TOX2: variants seen among roughly 807,000 people sequenced by gnomAD.
TOX2 encodes TOX high mobility group box family member 2, also known as granulosa cell HMG box 1.
In TOX2, 15 loss-of-function variants were observed where a neutral mutation model predicts 47.4. The observed-to-expected ratio is 0.32, with a 90% CI of 0.21 to 0.49. The LOEUF (loss-of-function observed/expected upper bound fraction) is 0.49, where lower values mean the gene tolerates loss of function less well. Among genes scored for constraint, TOX2 ranks in the 20% least tolerant of loss-of-function variants. The pLI is 0.99. For missense variants in TOX2, 622 were observed against 673.1 expected (o/e 0.92, Z 0.84); for synonymous variants, 290 against 296.6 (o/e 0.98, Z 0.23).
intron 2 of TOX2, among the ~76,000 whole-genome samples, chr20:43,995,804 C>T (rs1224711670): frequency 6.6e-6 from 1 of 152,162 alleles, no homozygotes; most frequent in African/African-American, 2.4e-5. Flanking sequence ...AGGATAATGG[C>T]CTCCAGCTCC....
At position 44,068,459 on chromosome 20, in the gene TOX2, C is replaced by T. The variant is rs150545947; in HGVS notation, c.1485-191C>T. Among the ~76,000 whole-genome samples, 49 of 114,772 alleles carry T rather than the reference C, an allele frequency of 4.3e-4. 1 individual carries two copies. The highest frequency in any genetic ancestry group is 6.1e-4 in the Non-Finnish European group (36 of 58,852). 75.3% of individuals were successfully genotyped at this position (114,772 alleles called of 152,430 possible). A position where few individuals can be genotyped will look rare whatever the true frequency, so the allele number is the denominator to read the frequency against. On this transcript the variant is annotated intron_variant, in intron 8 of 8. Transcript: ENST00000341197. ...ACCGGGTGGTCCCCTGCTGGGTTTC[C>T]GGGAGGGGTTTGGTTCTGCTTGGTG... is the stretch of plus-strand genomic sequence containing the variant.
chr20:43,922,728 G>A (rs769975617), intron 1 of TOX2, among the ~76,000 whole-genome samples: 5 of 152,182 alleles, frequency 3.3e-5, no homozygotes, highest in Admixed American at 6.5e-5. Context: ...ACTTGCTGCC[G>A]TACAGTTGCT....
At chr20:43,953,502 A>G (rs187629191) in intron 1 of TOX2, among the ~76,000 whole-genome samples, 65 of 151,538 alleles carry the variant, frequency 4.3e-4, no homozygotes, top group African/African-American at 1.5e-3. Context: ...ACTCTCAGCC[A>G]CTCTTTGAGC....
At chr20:43,983,548 G>A (rs2070207084) in intron 2 of TOX2, among the ~76,000 whole-genome samples, 1 of 152,188 alleles carries the variant, frequency 6.6e-6, no homozygotes, top group South Asian at 2.1e-4. Flanking sequence ...CCAGCAGGGG[G>A]CAGTGTCAGA....
At chr20:44,068,624 T>C in intron 8 of TOX2, 26 bp from the exon 9 acceptor site, 1 of 1,604,338 alleles carries the variant, frequency 6.2e-7, no homozygotes, top group Non-Finnish European at 8.5e-7. Context: ...CCCAACAGCT[T>C]TGACAGCCCC....
At chr20:43,959,796 A>G (rs572385501) in intron 1 of TOX2, among the ~76,000 whole-genome samples, 2 of 152,314 alleles carry the variant, frequency 1.3e-5, no homozygotes, top group Admixed American at 1.3e-4. Flanking sequence ...GATGATAGAT[A>G]ATTGTCAAAT....
chr20:43,991,330 A>G (rs1213651517), intron 2 of TOX2, among the ~76,000 whole-genome samples: 7 of 152,236 alleles, frequency 4.6e-5, no homozygotes, highest in Non-Finnish European at 8.8e-5. Context: ...ATGGTGCAGC[A>G]CTGAGCCCAA....
intron 3 of TOX2, among the ~76,000 whole-genome samples, chr20:44,007,802 C>G (rs1362967614): frequency 1.3e-5 from 2 of 152,056 alleles, no homozygotes; most frequent in African/African-American, 4.8e-5. Context: ...GAGACCCTTT[C>G]TCAAAAAAAC....
intron 1 of TOX2, among the ~76,000 whole-genome samples, chr20:43,941,512 T>C (rs1358760002): frequency 6.6e-6 from 1 of 152,126 alleles, no homozygotes; most frequent in African/African-American, 2.4e-5. Flanking sequence ...TTCGTATTTT[T>C]AGTAGAGATG....
intron 3 of TOX2, 26 bp from the exon 4 acceptor site, chr20:44,051,278 ACT>A (rs1569135689): frequency 5.7e-6 from 9 of 1,572,986 alleles, no homozygotes; most frequent in Non-Finnish European, 7.8e-6. Flanking sequence ...ATCCTTCCTA[ACT>A]CAACCCTCCT....
At chr20:44,033,928 G>A (rs541808638) in intron 3 of TOX2, among the ~76,000 whole-genome samples, 14 of 152,298 alleles carry the variant, frequency 9.2e-5, no homozygotes, top group Middle Eastern at 3.4e-3. Flanking sequence ...GAGACGTGTC[G>A]ACTTTCACTG....
intron 3 of TOX2, among the ~76,000 whole-genome samples, chr20:44,026,147 G>A (rs1026518213): frequency 2.0e-5 from 3 of 150,448 alleles, no homozygotes; most frequent in South Asian, 4.2e-4. Flanking sequence ...TTCTTTCCGC[G>A]TGATTATAGC....
At chr20:43,999,717 A>T (rs1282316160) in intron 2 of TOX2, among the ~76,000 whole-genome samples, 4 of 152,244 alleles carry the variant, frequency 2.6e-5, no homozygotes, top group African/African-American at 9.6e-5. Flanking sequence ...GCAGAAATGA[A>T]AAATCTGATC....
At chr20:44,019,974 G>C (rs1318636392) in intron 3 of TOX2, among the ~76,000 whole-genome samples, 1 of 152,166 alleles carries the variant, frequency 6.6e-6, no homozygotes, top group Admixed American at 6.5e-5. Context: ...GTGGATCACA[G>C]CCGGCTCAGG....
chr20:44,023,289 A>C (rs2071003759), intron 3 of TOX2, among the ~76,000 whole-genome samples: 1 of 151,422 alleles, frequency 6.6e-6, no homozygotes, highest in Non-Finnish European at 1.5e-5. Flanking sequence ...ATTTAGCTGG[A>C]TGTGGTGGTG....
At chr20:43,992,998 G>A (rs531403666) in intron 2 of TOX2, among the ~76,000 whole-genome samples, 2 of 152,190 alleles carry the variant, frequency 1.3e-5, no homozygotes, top group Non-Finnish European at 2.9e-5. Flanking sequence ...TTTCCCCTCA[G>A]TATTCCTCCA....
chr20:44,036,961 CT>C (rs2071251403), intron 3 of TOX2, among the ~76,000 whole-genome samples: 2 of 152,152 alleles, frequency 1.3e-5, no homozygotes, highest in Admixed American at 6.5e-5. Flanking sequence ...CTCACCTCTT[CT>C]TTTCTTTTTT....
chr20:44,021,314 A>C (rs2070972124), intron 3 of TOX2, among the ~76,000 whole-genome samples: 1 of 152,136 alleles, frequency 6.6e-6, no homozygotes, highest in Non-Finnish European at 1.5e-5. Flanking sequence ...CATTTGCAGC[A>C]CTGGTAGCAA....
chr20:44,017,113 G>A (rs1053233402), intron 3 of TOX2, among the ~76,000 whole-genome samples: 5 of 152,228 alleles, frequency 3.3e-5, no homozygotes, highest in African/African-American at 4.8e-5. Flanking sequence ...TGGTTAGCAG[G>A]TGACCTTCAA....
Sources: allele counts gnomAD v4.1 joint callset (sites outside exome capture counted in the v4.1 genomes callset), GRCh38; gene constraint gnomAD v4.1.1; transcripts MANE v1.5; gene names NCBI Gene and HGNC (gene_info 2026-07-23, HGNC 2026-07-21).